Variants in SYN3 observed in about 807,000 individuals in gnomAD.
The protein encoded by SYN3 is synapsin III.
In SYN3, 35 loss-of-function variants were observed where a neutral mutation model predicts 65.8. That is an observed-to-expected ratio of 0.53 (90% CI 0.41 to 0.70). The LOEUF is 0.70. Among genes scored for constraint, SYN3 ranks in the 30% least tolerant of loss-of-function variants. The probability of loss-of-function intolerance (pLI) is 0.00; values close to 1 mark genes in which losing one functional copy is unlikely to be tolerated. For synonymous variants in SYN3, 270 were observed against 292.9 expected (o/e 0.92, Z 0.80); for missense variants, 680 against 749.0 (o/e 0.91, Z 1.08).
chr22:32,865,038 A>T (rs754053456), intron 5 of SYN3, 34 bp from the exon 6 acceptor site: 2 of 1,553,946 alleles, frequency 1.3e-6, no homozygotes, highest in South Asian at 2.2e-5. Flanking sequence ...TTGATCAACT[A>T]TTGTCACCCA....
intron 3 of SYN3, among the ~76,000 whole-genome samples, chr22:32,939,389 A>C (rs1055940105): frequency 6.7e-6 from 1 of 148,442 alleles, no homozygotes; most frequent in Non-Finnish European, 1.5e-5. Flanking sequence ...TAGATAAAAT[A>C]AATAAAGTAT....
At chr22:32,635,055 C>G (rs1220367885) in intron 6 of SYN3, 1 of 152,140 alleles carries the variant, frequency 6.6e-6, no homozygotes, top group African/African-American at 2.4e-5. Context: ...CCCCGGTCTA[C>G]TGGGAGAACC....
chr22:32,654,851 TC>T (rs2060121204), intron 6 of SYN3, among the ~76,000 whole-genome samples: 1 of 152,376 alleles, frequency 6.6e-6, no homozygotes, highest in South Asian at 2.1e-4. Flanking sequence ...CTTGTCCCTT[TC>T]TCTCCTGACA....
At chr22:32,867,346 G>T (rs1299941941) in intron 5 of SYN3, among the ~76,000 whole-genome samples, 1 of 152,204 alleles carries the variant, frequency 6.6e-6, no homozygotes. Flanking sequence ...TAGAATGTAA[G>T]ATCCACAGGG....
intron 6 of SYN3, among the ~76,000 whole-genome samples, chr22:32,794,773 G>A (rs928425768): frequency 6.6e-6 from 1 of 152,160 alleles, no homozygotes; most frequent in Admixed American, 6.5e-5. Flanking sequence ...ATTCTGCTGG[G>A]GCAGAGAGAG....
chr22:32,579,679 C>T (rs914208935), intron 7 of SYN3, among the ~76,000 whole-genome samples: 2 of 152,184 alleles, frequency 1.3e-5, no homozygotes, highest in Non-Finnish European at 2.9e-5. Context: ...AAGATCAGGA[C>T]TCAGAGCTCA....
At chr22:32,680,451 T>C (rs2060507733) in intron 6 of SYN3, among the ~76,000 whole-genome samples, 1 of 152,248 alleles carries the variant, frequency 6.6e-6, no homozygotes, top group African/African-American at 2.4e-5. Context: ...TAATTTTGTC[T>C]GTATTCCACA....
rs540960155 is a variant in SYN3, at chr22:32,954,642, C to A, written c.370-23161G>T. 4.6e-5 allele frequency among the ~76,000 whole-genome samples: 7 copies of A among 152,234 alleles called. No homozygotes were observed. In the South Asian group the frequency reaches 1.5e-3, roughly 32 times the overall value. The stretch of plus-strand genomic sequence containing the variant: ...TAAGATCAAGATGTGGAAGCACAGT[C>A]CATTGTTGGGGGCTAACACTCAGTA... On this transcript the variant is annotated intron_variant, in intron 3 of 13. Transcript: ENST00000358763.
chr22:32,959,782 A>C (rs947188257), intron 3 of SYN3, among the ~76,000 whole-genome samples: 2 of 152,060 alleles, frequency 1.3e-5, no homozygotes, highest in African/African-American at 4.8e-5. Flanking sequence ...TTTTTTGTAA[A>C]GATCTCACTA....
At chr22:32,673,417 C>T (rs926984378) in intron 6 of SYN3, among the ~76,000 whole-genome samples, 18 of 152,330 alleles carry the variant, frequency 1.2e-4, no homozygotes, top group Non-Finnish European at 1.8e-4. Flanking sequence ...GAGCATGGGC[C>T]GTTCGGTCAT....
Position 32,513,693 on chromosome 22 carries a change from TAGTC to T in SYN3, c.1738_1741del (p.Asp580AsnfsTer149), listed in dbSNP as rs1412511317. 25 of 1,614,092 alleles carry T rather than the reference TAGTC, an allele frequency of 1.5e-5. No individual in the cohort carries two copies. Among genetic ancestry groups the T allele is most frequent in the Non-Finnish European group, 2.1e-5 (25 of 1,180,002 alleles). ...CTTCCCCTCCCAGCCTGGATGGCGT[TAGTC>T]AGAGAACAGGCTGGCAAAAGACTTC... On this transcript the variant is annotated frameshift_variant and stop_lost, in exon 14 of 14. Coordinates refer to ENST00000358763, the MANE Select transcript of SYN3 (RefSeq NM_003490.4). LOFTEE classifies it high-confidence loss of function.
chr22:32,818,896 T>C (rs1004660102), intron 6 of SYN3, among the ~76,000 whole-genome samples: 3 of 152,148 alleles, frequency 2.0e-5, no homozygotes, highest in Non-Finnish European at 4.4e-5. Context: ...AGGCAGGTAG[T>C]GGATTTCAAG....
chr22:32,781,699 ATTG>A (rs1359865063), intron 6 of SYN3, among the ~76,000 whole-genome samples: 4 of 149,800 alleles, frequency 2.7e-5, no homozygotes, highest in Non-Finnish European at 4.4e-5. Context: ...TATTATTATT[ATTG>A]TTGTTGTTGT....
chr22:32,715,590 C>G (rs1298307759), intron 6 of SYN3, among the ~76,000 whole-genome samples: 1 of 152,018 alleles, frequency 6.6e-6, no homozygotes, highest in Non-Finnish European at 1.5e-5. Context: ...ACTAGCCTGG[C>G]CAAGATGGTG....
At position 32,834,328 on chromosome 22, in the gene SYN3, T is replaced by TA. The variant is rs1555977070; in HGVS notation, c.711+30586_711+30587insT. Reference sequence around the variant, plus strand: ...CCACCACATCTGGCTAATTTATTTTTTTTTTTGTATTTTTAGTAGAAACGG... The same window carrying TA: ...CCACCACATCTGGCTAATTTATTTTTATTTTTTGTATTTTTAGTAGAAACGG... On this transcript the variant is annotated intron_variant, in intron 6 of 13. Coordinates refer to ENST00000358763, the MANE Select transcript of SYN3 (RefSeq NM_003490.4). 1.3e-3 allele frequency among the ~76,000 whole-genome samples: 201 copies of TA among 151,606 alleles called. 4 individuals are homozygous for TA. Among genetic ancestry groups the TA allele is most frequent in the Non-Finnish European group, 2.1e-3 (142 of 67,842 alleles).
chr22:32,826,115 G>A (rs1363281724), intron 6 of SYN3, among the ~76,000 whole-genome samples: 2 of 152,118 alleles, frequency 1.3e-5, no homozygotes, highest in African/African-American at 4.8e-5. Context: ...CTTTAGTGAA[G>A]TTGTATTACT....
At chr22:32,543,020 G>A (rs2058283121) in intron 7 of SYN3, among the ~76,000 whole-genome samples, 3 of 152,032 alleles carry the variant, frequency 2.0e-5, no homozygotes, top group South Asian at 2.1e-4. Flanking sequence ...TGGAGTGGCC[G>A]GGCACTAGGC....
chr22:33,016,867 A>T (rs1216025163), intron 1 of SYN3, among the ~76,000 whole-genome samples: 1 of 152,034 alleles, frequency 6.6e-6, no homozygotes, highest in Non-Finnish European at 1.5e-5. Context: ...ATCTTTATTC[A>T]TTGCTTCTTT....
At chr22:32,834,317 T>G (rs1164516203) in intron 6 of SYN3, among the ~76,000 whole-genome samples, 1 of 54,356 alleles carries the variant, frequency 1.8e-5, no homozygotes, top group African/African-American at 5.9e-5. Context: ...CACATCTGGC[T>G]AATTTATTTT....
Sources: allele counts gnomAD v4.1 joint callset (sites outside exome capture counted in the v4.1 genomes callset), GRCh38; gene constraint gnomAD v4.1.1; transcripts MANE v1.5; gene names NCBI Gene and HGNC (gene_info 2026-07-23, HGNC 2026-07-21).